The following KLHL14 variants were observed in gnomAD, a reference collection of about 807,000 sequenced individuals.
KLHL14 encodes kelch like family member 14, also known as kelch-like protein 14.
A neutral mutation model predicts 64.3 loss-of-function variants in KLHL14; 22 were observed. The observed-to-expected ratio is 0.34, with a 90% confidence interval of 0.24 to 0.49. The LOEUF (loss-of-function observed/expected upper bound fraction) is 0.49. Ranked by LOEUF, KLHL14 falls within the 20% of genes least tolerant of loss-of-function variation. The pLI is 0.99. For synonymous variants in KLHL14, 322 were observed against 333.4 expected (o/e 0.97, Z 0.37); for missense variants, 661 against 789.0 (o/e 0.84, Z 1.94).
chr18:32,770,122 A>C lies in KLHL14; in HGVS notation c.470T>G (p.Val157Gly), dbSNP rs1598583704. ...VTLSLDTVEE[V>G]LSVSKILHIP... ...GTGCAGGATCTTGCTGACCGACAGC[A>C]CCTCCTCCACCGTGTCCAGGGACAG... is the stretch of plus-strand genomic sequence containing the variant. Residue 157 changes from valine (V) to glycine (G), a missense_variant, in exon 2 of 9, where the codon GTG becomes GGG. Transcript: ENST00000359358. This position sits in a 1 kb window ranked among gnomAD's most constrained non-coding sequence, Gnocchi z 6.7. 6.2e-7 allele frequency: 1 copy of C among 1,613,990 alleles called. No homozygotes were observed. The highest frequency in any genetic ancestry group is 8.5e-7 in the Non-Finnish European group (1 of 1,179,984).
chr18:32,728,870 C>G (rs1357535), intron 3 of KLHL14, among the ~76,000 whole-genome samples: 44,927 of 151,960 alleles, frequency 0.3, 6,904 homozygotes, highest in African/African-American at 0.37. Context: ...TCAAGAAACA[C>G]CAAGGAGGGC....
chr18:32,696,268 TGGATGTGAGGAGG>T (rs1460899704), intron 3 of KLHL14, among the ~76,000 whole-genome samples: 3 of 152,074 alleles, frequency 2.0e-5, no homozygotes, highest in Non-Finnish European at 2.9e-5. Flanking sequence ...CCAAATGTGG[TGGATGTGAGGAGG>T]GGGCATTATT....
In KLHL14 at chr18:32,674,643, A is replaced by G. The variant is rs369811683; in HGVS notation, c.*14T>C. On this transcript the variant is annotated 3_prime_UTR_variant, in exon 9 of 9. Coordinates refer to ENST00000359358, the MANE Select transcript of KLHL14 (RefSeq NM_020805.3). ...CCTAGAATGTGATACTGTTCATTCC[A>G]GAGTTTCCTGGTGTTATTTGTTGTA... 1.3e-6 allele frequency: 1 copy of G among 780,022 alleles called. No individual in the cohort carries two copies. The highest frequency in any genetic ancestry group is 2.4e-6 in the Non-Finnish European group (1 of 417,470). 48.3% of individuals were successfully genotyped at this position (780,022 alleles called of 1,614,324 possible). A position where few individuals can be genotyped will look rare whatever the true frequency, so the allele number is the denominator to read the frequency against.
intron 2 of KLHL14, among the ~76,000 whole-genome samples, chr18:32,757,872 A>G (rs2050289924): frequency 6.6e-6 from 1 of 152,222 alleles, no homozygotes. Context: ...TAAGTGTCAT[A>G]TAAAAGCATC....
intron 2 of KLHL14, among the ~76,000 whole-genome samples, chr18:32,745,766 C>T (rs1312476676): frequency 3.3e-5 from 5 of 152,236 alleles, no homozygotes; most frequent in South Asian, 2.1e-4. Flanking sequence ...ATGACAATAA[C>T]GACAGTTAAT....
intron 3 of KLHL14, among the ~76,000 whole-genome samples, chr18:32,724,855 A>AT (rs1261567143): frequency 1.3e-5 from 2 of 152,072 alleles, no homozygotes; most frequent in Non-Finnish European, 2.9e-5. Flanking sequence ...CTAAGTTTTC[A>AT]TTTTTTTCCA....
chr18:32,750,891 T>A (rs1399205307), intron 2 of KLHL14, among the ~76,000 whole-genome samples: 1 of 152,214 alleles, frequency 6.6e-6, no homozygotes, highest in Non-Finnish European at 1.5e-5. Flanking sequence ...AGCCAAACAT[T>A]AATAACCAAT....
At chr18:32,692,406 G>A (rs866524796) in intron 4 of KLHL14, among the ~76,000 whole-genome samples, 6 of 152,152 alleles carry the variant, frequency 3.9e-5, no homozygotes, top group South Asian at 2.1e-4. Flanking sequence ...CCGAACCCAC[G>A]GATTTAAAAG....
intron 4 of KLHL14, 137 bp downstream of exon 4, chr18:32,695,326 C>CCAT (rs1416592786): frequency 7.7e-6 from 5 of 652,324 alleles, no homozygotes; most frequent in Non-Finnish European, 1.4e-5. Context: ...ATTGTCAGCC[C>CCAT]CATCTCCTTA....
At chr18:32,733,998 T>A (rs2050150256) in intron 3 of KLHL14, 1 of 598,502 alleles carries the variant, frequency 1.7e-6, no homozygotes, top group Non-Finnish European at 3.0e-6. Context: ...ATCAGCTTGA[T>A]GTTGGGATGA....
intron 3 of KLHL14, among the ~76,000 whole-genome samples, chr18:32,729,751 T>A (rs2050127592): frequency 6.6e-6 from 1 of 152,222 alleles, no homozygotes; most frequent in Admixed American, 6.5e-5. Context: ...TTGACTTGAT[T>A]TTGTCTGCAA....
chr18:32,770,543 C>T lies in KLHL14; in HGVS notation c.49G>A (p.Asp17Asn). The T allele has an allele frequency of 1.9e-6, 3 of 1,603,716 alleles. No homozygotes were observed. The highest frequency in any genetic ancestry group is 2.5e-6 in the Non-Finnish European group (3 of 1,178,006). The change falls in exon 2 of 9, where the codon GAC (aspartate) becomes AAC (asparagine). Residue 17 changes from aspartate (D) to asparagine (N), a missense_variant. Asp to Asn is a conservative substitution (Grantham distance 23, BLOSUM62 1). This residue lies in a region of KLHL14 where 331 missense variants were observed against 339.0 expected (regional missense o/e 0.98). Transcript: ENST00000359358. This position sits in a 1 kb window ranked among gnomAD's most constrained non-coding sequence, Gnocchi z 6.7. The part of the protein sequence containing the change: ...RTSTFDPSHS[D>N]NLLHGLNLLW... ...AGGTTGAGGCCGTGCAGCAGGTTGTCGCTGTGGCTGGGGTCGAAGGTGGAG... is the reference window on the plus strand; with the variant it reads ...AGGTTGAGGCCGTGCAGCAGGTTGTTGCTGTGGCTGGGGTCGAAGGTGGAG...
At chr18:32,693,465 G>T (rs889505078) in intron 4 of KLHL14, among the ~76,000 whole-genome samples, 18 of 149,354 alleles carry the variant, frequency 1.2e-4, no homozygotes, top group Admixed American at 1.1e-3. Context: ...TCCCAGGCCT[G>T]TATTAAGGAT....
chr18:32,705,862 T>C (rs1447775421), intron 3 of KLHL14, among the ~76,000 whole-genome samples: 2 of 152,246 alleles, frequency 1.3e-5, no homozygotes, highest in African/African-American at 4.8e-5. Flanking sequence ...ACAGCGGGCC[T>C]GCTCTACCTA....
At chr18:32,752,329 A>G (rs1407855860) in intron 2 of KLHL14, among the ~76,000 whole-genome samples, 2 of 152,104 alleles carry the variant, frequency 1.3e-5, no homozygotes, top group African/African-American at 4.8e-5. Flanking sequence ...GGCAATGGGG[A>G]AAAAGGAAAA....
At chr18:32,723,907 A>G (rs981880339) in intron 3 of KLHL14, among the ~76,000 whole-genome samples, 4 of 152,188 alleles carry the variant, frequency 2.6e-5, no homozygotes, top group Non-Finnish European at 5.9e-5. Context: ...CAATTTTAAT[A>G]TGGCACTTTG....
intron 3 of KLHL14, among the ~76,000 whole-genome samples, chr18:32,713,702 G>A (rs1057037086): frequency 2.0e-4 from 31 of 152,238 alleles, no homozygotes; most frequent in Admixed American, 1.6e-3. Context: ...TAAATATATG[G>A]TAAGCTATTT....
At chr18:32,723,688 A>G (rs2050091290) in intron 3 of KLHL14, among the ~76,000 whole-genome samples, 4 of 152,168 alleles carry the variant, frequency 2.6e-5, no homozygotes. Flanking sequence ...AACCAAGGTC[A>G]AGGATGTGTC....
At chr18:32,682,904 AT>A (rs1245057229) in intron 5 of KLHL14, among the ~76,000 whole-genome samples, 1 of 152,076 alleles carries the variant, frequency 6.6e-6, no homozygotes, top group Admixed American at 6.5e-5. Context: ...GAAACAATGC[AT>A]TTTCTTATTT....
Sources: allele counts gnomAD v4.1 joint callset (sites outside exome capture counted in the v4.1 genomes callset), GRCh38; gene constraint gnomAD v4.1.1; regional missense constraint gnomAD v4.1.1; non-coding constraint Gnocchi (gnomAD v3.1); transcripts MANE v1.5; gene names NCBI Gene and HGNC (gene_info 2026-07-23, HGNC 2026-07-21).